Variants in NECTIN3 observed in about 807,000 individuals in gnomAD.
The protein encoded by NECTIN3 is nectin-3.
NECTIN3 carries 8 observed loss-of-function variants against 49.4 expected under a neutral mutation model. The observed-to-expected ratio is 0.16, with a 90% CI of 0.10 to 0.29. The LOEUF (loss-of-function observed/expected upper bound fraction) is 0.29, where lower values mean the gene tolerates loss of function less well. NECTIN3 is among the 10% of genes least tolerant of loss of function. The probability of loss-of-function intolerance (pLI) is 1.00; values close to 1 mark genes in which losing one functional copy is unlikely to be tolerated. For synonymous variants in NECTIN3, 277 were observed against 241.1 expected (o/e 1.15, Z -1.38); for missense variants, 581 against 654.6 (o/e 0.89, Z 1.23).
intron 1 of NECTIN3, among the ~76,000 whole-genome samples, chr3:111,095,299 C>T (rs1486453397): frequency 6.6e-6 from 1 of 151,290 alleles, no homozygotes; most frequent in East Asian, 2.0e-4. Context: ...GAAAAGGTTC[C>T]ATGTTATATT....
chr3:111,072,717 T>TC (rs2107341923), intron 1 of NECTIN3: 3 of 809,034 alleles, frequency 3.7e-6, no homozygotes, highest in Non-Finnish European at 5.7e-6. Flanking sequence ...TTGTGCCCAC[T>TC]CCCCCGGCTC....
chr3:111,192,295 G>C, upstream of NECTIN3: 6 of 1,418,164 alleles, frequency 4.2e-6, no homozygotes, highest in Non-Finnish European at 5.8e-6. Context: ...AATCTTAGTG[G>C]TTGATATGTT....
At position 111,101,259 on chromosome 3, in the gene NECTIN3, T is replaced by C. The variant is rs186967573; in HGVS notation, c.161-10771T>C. Reference sequence around the variant, plus strand: ...TGGTTAAATCAAGATACTGTCCTTATTTGAAATTAAAACATAGCAATTGTT... The same window carrying C: ...TGGTTAAATCAAGATACTGTCCTTACTTGAAATTAAAACATAGCAATTGTT... On this transcript the variant is annotated intron_variant, in intron 1 of 5. Coordinates refer to ENST00000485303, the MANE Select transcript of NECTIN3 (RefSeq NM_015480.3). Among the ~76,000 whole-genome samples the C allele has an allele frequency of 1.4e-4, 21 of 152,216 alleles. 2 individuals are homozygous for C. The East Asian group carries it at 3.7e-3, about 27-fold the overall frequency.
chr3:111,184,513 A>T (rs183638541), intron 7 of NECTIN3, among the ~76,000 whole-genome samples: 6 of 152,300 alleles, frequency 3.9e-5, no homozygotes, highest in Non-Finnish European at 7.4e-5. Context: ...GGCCTTTGCC[A>T]GATGCTAGCA....
intron 1 of NECTIN3, among the ~76,000 whole-genome samples, chr3:111,104,223 C>A (rs1340335206): frequency 6.6e-6 from 1 of 151,606 alleles, no homozygotes; most frequent in Non-Finnish European, 1.5e-5. Flanking sequence ...TGTAGCAGTA[C>A]CTTATTTTAG....
chr3:111,132,402 T>A (rs1020515077), intron 5 of NECTIN3, among the ~76,000 whole-genome samples: 2 of 151,892 alleles, frequency 1.3e-5, no homozygotes, highest in Non-Finnish European at 3.0e-5. Flanking sequence ...TTAGAATAAC[T>A]TACCCCATGT....
intron 1 of NECTIN3, among the ~76,000 whole-genome samples, chr3:111,108,127 A>G (rs981877159): frequency 1.3e-5 from 2 of 152,192 alleles, no homozygotes; most frequent in African/African-American, 4.8e-5. Flanking sequence ...ATTAGTTCCT[A>G]GAAATTAAAA....
Position 111,137,354 on chromosome 3 carries a change from C to G in NECTIN3, c.*3139C>G, listed in dbSNP as rs562976325. ...GAAAATGCATCCTTCATAAACAGCT[C>G]CTTTCTCAAATTTTTTGTATATTGT... On this transcript the variant is annotated 3_prime_UTR_variant, in exon 6 of 6. Transcript: ENST00000485303. 8.2e-6 allele frequency: 8 copies of G among 971,034 alleles called. No individual in the cohort carries two copies. The East Asian group carries it at 6.9e-4, about 84-fold the overall frequency. The allele number at this position is 971,034 out of a possible 1,614,324, so 60.2% of individuals were successfully genotyped here.
At chr3:111,104,313 C>CTTTT (rs935543116) in intron 1 of NECTIN3, among the ~76,000 whole-genome samples, 60 of 89,264 alleles carry the variant, frequency 6.7e-4, no homozygotes, top group Non-Finnish European at 9.2e-4. Context: ...CTGTTCAGAT[C>CTTTT]TTTTTTTTTT....
At chr3:111,157,795 C>A (rs548753258) in intron 7 of NECTIN3, among the ~76,000 whole-genome samples, 44 of 151,794 alleles carry the variant, frequency 2.9e-4, no homozygotes, top group Admixed American at 2.6e-3. Context: ...CTTTTTTTCC[C>A]CTGGGAAAAT....
At chr3:111,178,688 C>G (rs2035575372) in intron 7 of NECTIN3, among the ~76,000 whole-genome samples, 1 of 152,200 alleles carries the variant, frequency 6.6e-6, no homozygotes, top group South Asian at 2.1e-4. Flanking sequence ...TCTTTCTCCT[C>G]ACTTATATGC....
chr3:111,116,414 A>G (rs544951421), intron 2 of NECTIN3, among the ~76,000 whole-genome samples: 61 of 152,162 alleles, frequency 4.0e-4, no homozygotes, highest in Non-Finnish European at 6.8e-4. Flanking sequence ...CATTACTTAC[A>G]ACAAATACTG....
At chr3:111,158,484 A>G (rs1030034223) in intron 7 of NECTIN3, among the ~76,000 whole-genome samples, 4 of 152,138 alleles carry the variant, frequency 2.6e-5, no homozygotes, top group Non-Finnish European at 5.9e-5. Flanking sequence ...CTTATTATTG[A>G]TATATATGTT....
chr3:111,133,921 A>T lies in NECTIN3; in HGVS notation c.1356A>T (p.Glu452Asp), dbSNP rs770506988. ...NYIPPSDMQK[E>D]SQIDVLQQDE... ...TTCCACCATCAGATATGCAAAAAGA[A>T]TCACAAATAGATGTTCTTCAACAAG... The change falls in exon 6 of 6, where the codon GAA becomes GAT. Residue 452 changes from glutamate (E) to aspartate (D), a missense_variant. Transcript: ENST00000485303. 3 of 1,613,972 alleles carry T rather than the reference A, an allele frequency of 1.9e-6. No homozygotes were observed. In the East Asian group the frequency reaches 6.7e-5, roughly 36 times the overall value.
intron 1 of NECTIN3, among the ~76,000 whole-genome samples, chr3:111,100,459 A>G (rs1213916370): frequency 6.6e-6 from 1 of 152,118 alleles, no homozygotes; most frequent in Admixed American, 6.6e-5. Flanking sequence ...CTATATGTAT[A>G]AGGTGTGTAT....
At chr3:111,159,339 A>G (rs2035162500) in intron 7 of NECTIN3, among the ~76,000 whole-genome samples, 3 of 152,136 alleles carry the variant, frequency 2.0e-5, no homozygotes, top group Admixed American at 6.5e-5. Context: ...TATAATGAAT[A>G]TGGTTTTTGG....
chr3:111,133,509 G>T, intron 5 of NECTIN3, 126 bp from the exon 6 acceptor site: 1 of 1,338,202 alleles, frequency 7.5e-7, no homozygotes, highest in Non-Finnish European at 9.9e-7. Flanking sequence ...AATTAAGAAT[G>T]AAAAACTATT....
chr3:111,136,955 G>A lies in NECTIN3; in HGVS notation c.*2740G>A. On this transcript the variant is annotated 3_prime_UTR_variant, in exon 6 of 6. Transcript: ENST00000485303. ...TAGTATTTTACCACGTGCCTAGTAG[G>A]GTTCTATTTGCTAACTCTAATATTG... 2 of 975,232 alleles carry A rather than the reference G, an allele frequency of 2.1e-6. No homozygotes were observed. Among genetic ancestry groups the A allele is most frequent in the African/African-American group, 1.8e-5 (1 of 57,032 alleles). The allele number at this position is 975,232 out of a possible 1,614,324, so 60.4% of individuals were successfully genotyped here.
In NECTIN3 at chr3:111,072,005, G is replaced by T. The variant is rs776590281; in HGVS notation, c.-13G>T. The T allele has an allele frequency of 2.0e-6, 3 of 1,485,802 alleles. No homozygotes were observed. Among genetic ancestry groups the T allele is most frequent in the Non-Finnish European group, 2.7e-6 (3 of 1,116,486 alleles). The allele number at this position is 1,485,802 out of a possible 1,614,324, so 92.0% of individuals were successfully genotyped here. A position where few individuals can be genotyped will look rare whatever the true frequency, so the allele number is the denominator to read the frequency against. On this transcript the variant is annotated 5_prime_UTR_variant, in exon 1 of 6. Transcript: ENST00000485303. ...GGGGCGGGCGGGCGAGCGGGCCGGG[G>T]GGAGGGTGGGGGATGGCGCGGACCC...
Sources: gnomAD v4.1 joint callset for allele counts (sites outside exome capture counted in the v4.1 genomes callset) on GRCh38, gnomAD v4.1.1 for gene constraint, MANE v1.5 for transcripts, NCBI Gene and HGNC (gene_info 2026-07-23, HGNC 2026-07-21) for gene names.